DOCK4: variants seen among roughly 807,000 people sequenced by gnomAD.
DOCK4 encodes dedicator of cytokinesis protein 4.
In DOCK4, 97 loss-of-function variants were observed where a neutral mutation model predicts 268.1. The ratio of observed to expected loss-of-function variants is 0.36; its 90% confidence interval spans 0.31 to 0.43. DOCK4 has a LOEUF of 0.43. DOCK4 is among the 20% of genes least tolerant of loss of function. The probability of loss-of-function intolerance (pLI) is 1.00; values close to 1 mark genes in which losing one functional copy is unlikely to be tolerated. For synonymous variants in DOCK4, 954 were observed against 887.2 expected, an observed-to-expected ratio of 1.08 and a Z score of -1.34; for missense variants, 2,145 against 2,455.7, an observed-to-expected ratio of 0.87 and a Z score of 2.67.
At chr7:111,759,602 G>A (rs919349959) in intron 40 of DOCK4, among the ~76,000 whole-genome samples, 3 of 152,230 alleles carry the variant, frequency 2.0e-5, no homozygotes, top group African/African-American at 4.8e-5. Context: ...AAAGAGTGCT[G>A]GGGTGAACTG....
chr7:112,166,639 T>A lies in DOCK4; in HGVS notation c.37+39463A>T, dbSNP rs776461151. On this transcript the variant is annotated intron_variant, in intron 1 of 52. Coordinates refer to ENST00000428084, the MANE Select transcript of DOCK4 (RefSeq NM_001363540.2). ...TCAATTCTCTCAAGGGAATTGGATG[T>A]AACAACCCAGCTAGAACTATTAGTA... Among the ~76,000 whole-genome samples, 3 of 152,194 alleles carry A rather than the reference T, an allele frequency of 2.0e-5. No individual in the cohort carries two copies. The East Asian group carries it at 5.8e-4, about 29-fold the overall frequency.
At chr7:112,037,545 C>A (rs1803923074) in intron 1 of DOCK4, among the ~76,000 whole-genome samples, 1 of 152,146 alleles carries the variant, frequency 6.6e-6, no homozygotes, top group Admixed American at 6.5e-5. Flanking sequence ...TAAACGGACT[C>A]ATACAAGAGA....
At chr7:112,180,598 G>A (rs3801797) in intron 1 of DOCK4, among the ~76,000 whole-genome samples, 15,878 of 152,222 alleles carry the variant, frequency 0.1, 1,043 homozygotes, top group South Asian at 0.15. Flanking sequence ...CAGCCTGAGA[G>A]TCACTTAAGG....
intron 1 of DOCK4, among the ~76,000 whole-genome samples, chr7:112,032,362 T>C (rs902236807): frequency 2.0e-5 from 3 of 152,224 alleles, no homozygotes; most frequent in Admixed American, 1.3e-4. Context: ...CAATCCGAAG[T>C]GCATGGCTAT....
At chr7:111,773,861 A>C (rs1323512597) in intron 36 of DOCK4, among the ~76,000 whole-genome samples, 3 of 151,968 alleles carry the variant, frequency 2.0e-5, no homozygotes, top group African/African-American at 7.3e-5. Flanking sequence ...TACCAAAAAA[A>C]AAAAAATTAG....
At chr7:112,038,296 G>A (rs562129866) in intron 1 of DOCK4, among the ~76,000 whole-genome samples, 46 of 152,276 alleles carry the variant, frequency 3.0e-4, no homozygotes, top group African/African-American at 8.9e-4. Context: ...TTTGTTGTTT[G>A]GGGGACTGGG....
intron 21 of DOCK4, 187 bp downstream of exon 21, chr7:111,869,387 T>C (rs1806236662): frequency 1.6e-5 from 9 of 566,150 alleles, no homozygotes; most frequent in South Asian, 7.3e-5. Flanking sequence ...TCCAGTAGAC[T>C]ACCCTGGCAA....
chr7:111,916,986 T>TTG (rs1792652146), intron 12 of DOCK4, among the ~76,000 whole-genome samples: 1 of 90,228 alleles, frequency 1.1e-5, no homozygotes, highest in African/African-American at 3.9e-5. Context: ...CCATGTTTTT[T>TTG]TTTTTTTTTT....
At chr7:111,870,318 C>CTTTT (rs1806311065) in intron 20 of DOCK4, among the ~76,000 whole-genome samples, 1 of 144,320 alleles carries the variant, frequency 6.9e-6, no homozygotes, top group African/African-American at 2.6e-5. Context: ...TTTTCTTTTT[C>CTTTT]TTTTCTTTTT....
At chr7:112,078,861 C>T (rs1332677947) in intron 1 of DOCK4, among the ~76,000 whole-genome samples, 2 of 152,108 alleles carry the variant, frequency 1.3e-5, no homozygotes, top group Admixed American at 6.6e-5. Flanking sequence ...TGCGGTGGCT[C>T]ACACCTGTAA....
At chr7:112,111,033 G>A (rs928524126) in intron 1 of DOCK4, among the ~76,000 whole-genome samples, 6 of 152,300 alleles carry the variant, frequency 3.9e-5, no homozygotes, top group South Asian at 4.1e-4. Flanking sequence ...TAAGGCGTGC[G>A]GGTGACCTAC....
At chr7:112,071,920 C>T (rs1384192408) in intron 1 of DOCK4, among the ~76,000 whole-genome samples, 4 of 152,146 alleles carry the variant, frequency 2.6e-5, no homozygotes, top group Non-Finnish European at 5.9e-5. Flanking sequence ...CAATGAAACT[C>T]CAGATTCCTC....
At chr7:111,730,707 A>G (rs754900987) in intron 52 of DOCK4, among the ~76,000 whole-genome samples, 1 of 152,158 alleles carries the variant, frequency 6.6e-6, no homozygotes, top group Non-Finnish European at 1.5e-5. Context: ...GTAACATGGT[A>G]GCAGTGTGCC....
At chr7:112,101,887 G>C (rs1475940180) in intron 1 of DOCK4, among the ~76,000 whole-genome samples, 2 of 149,860 alleles carry the variant, frequency 1.3e-5, no homozygotes, top group Non-Finnish European at 3.0e-5. Flanking sequence ...CTGTTGCCCA[G>C]GCTGGAGTGC....
intron 8 of DOCK4, chr7:111,953,546 T>G (rs891001688): frequency 2.6e-5 from 4 of 152,236 alleles, no homozygotes; most frequent in African/African-American, 9.6e-5. Flanking sequence ...CCCCAAAATA[T>G]ACTTCTTTGG....
chr7:112,007,472 C>A (rs1461351990), intron 1 of DOCK4, among the ~76,000 whole-genome samples: 1 of 152,150 alleles, frequency 6.6e-6, no homozygotes, highest in Non-Finnish European at 1.5e-5. Context: ...GAATATTTTT[C>A]AGGCTATAGT....
chr7:112,015,042 T>C (rs1048368267), intron 1 of DOCK4, among the ~76,000 whole-genome samples: 3 of 151,922 alleles, frequency 2.0e-5, no homozygotes, highest in East Asian at 1.9e-4. Flanking sequence ...TCCCAGGAGG[T>C]TGGGCATTCT....
At chr7:111,907,131 G>C (rs955301766) in intron 13 of DOCK4, among the ~76,000 whole-genome samples, 3 of 144,752 alleles carry the variant, frequency 2.1e-5, no homozygotes, top group Admixed American at 2.0e-4. Flanking sequence ...AGGCTGAAAA[G>C]TTAACTAATA....
At chr7:111,780,986 T>C (rs1383325304) in intron 35 of DOCK4, among the ~76,000 whole-genome samples, 1 of 152,234 alleles carries the variant, frequency 6.6e-6, no homozygotes, top group Non-Finnish European at 1.5e-5. Context: ...GTAATGGGGC[T>C]ACTGATTATA....
Sources: gnomAD v4.1 joint callset for allele counts (sites outside exome capture counted in the v4.1 genomes callset) on GRCh38, gnomAD v4.1.1 for gene constraint, MANE v1.5 for transcripts, NCBI Gene and HGNC (gene_info 2026-07-23, HGNC 2026-07-21) for gene names.